ROBO1: variants seen among roughly 807,000 people sequenced by gnomAD.
The protein encoded by ROBO1 is roundabout guidance receptor 1.
A neutral mutation model predicts 195.9 loss-of-function variants in ROBO1; 149 were observed. The ratio of observed to expected loss-of-function variants is 0.76; its 90% CI spans 0.67 to 0.87. The LOEUF is 0.87. ROBO1 is among the 40% of genes least tolerant of loss of function. ROBO1 has a pLI of 0.00. For synonymous variants in ROBO1, 816 were observed against 733.2 expected (o/e 1.11, Z -1.82); for missense variants, 1,933 against 2,068.3 (o/e 0.93, Z 1.27).
chr3:79,462,067 G>A (rs948310803), intron 2 of ROBO1, among the ~76,000 whole-genome samples: 1 of 152,160 alleles, frequency 6.6e-6, no homozygotes, highest in East Asian at 1.9e-4. Context: ...GTATTATTAT[G>A]TGGTAAGTAA....
chr3:79,159,575 G>A (rs1317065717), intron 2 of ROBO1, among the ~76,000 whole-genome samples: 2 of 151,966 alleles, frequency 1.3e-5, no homozygotes, highest in Non-Finnish European at 2.9e-5. Flanking sequence ...ACCATTTGAT[G>A]TTTGGTACTG....
chr3:79,193,975 G>C (rs1444967336), intron 2 of ROBO1, among the ~76,000 whole-genome samples: 1 of 151,626 alleles, frequency 6.6e-6, no homozygotes, highest in African/African-American at 2.4e-5. Context: ...TAAAATGCAA[G>C]TTTTCAATAA....
chr3:78,688,641 G>A lies in ROBO1; in HGVS notation c.1170+7C>T. On this transcript the variant is annotated splice_region_variant and intron_variant, in intron 9 of 30. Coordinates refer to ENST00000464233, the MANE Select transcript of ROBO1 (RefSeq NM_002941.4). ...TTTAAAAAAAAAAAGTTAGAAAAAG[G>A]TGGTACCTGACTCCCTTCTCTCCTC... 6.4e-7 allele frequency: 1 copy of A among 1,573,948 alleles called. No individual in the cohort carries two copies. The highest frequency in any genetic ancestry group is 8.6e-7 in the Non-Finnish European group (1 of 1,163,674).
chr3:79,179,444 A>G (rs1204423342), intron 2 of ROBO1, among the ~76,000 whole-genome samples: 1 of 152,246 alleles, frequency 6.6e-6, no homozygotes, highest in Non-Finnish European at 1.5e-5. Context: ...GGTAAGGATG[A>G]AGTTAGAATA....
chr3:79,624,266 A>T lies in ROBO1; in HGVS notation c.-50-34305T>A, dbSNP rs539153430. ...AAACGGCAAAATATAAAGACCAAAG[A>T]CACTATGAAGAAACGGCATCAACTA... On this transcript the variant is annotated intron_variant, in intron 1 of 30. Transcript: ENST00000464233. Among the ~76,000 whole-genome samples the T allele has an allele frequency of 3.5e-4, 53 of 152,272 alleles. 1 individual carries two copies. The highest frequency in any genetic ancestry group is 1.2e-3 in the African/African-American group (49 of 41,542).
intron 1 of ROBO1, among the ~76,000 whole-genome samples, chr3:79,622,110 G>C (rs1945026708): frequency 6.6e-6 from 1 of 152,136 alleles, no homozygotes; most frequent in African/African-American, 2.4e-5. Flanking sequence ...ACAGAGGGCA[G>C]GGGAGCCACC....
chr3:78,997,061 C>T (rs1256375399), intron 3 of ROBO1, among the ~76,000 whole-genome samples: 1 of 152,076 alleles, frequency 6.6e-6, no homozygotes, highest in Admixed American at 6.6e-5. Flanking sequence ...GGTAGTGAGA[C>T]AGGCCCAGGA....
At chr3:78,834,044 T>G (rs943155038) in intron 4 of ROBO1, among the ~76,000 whole-genome samples, 2 of 151,928 alleles carry the variant, frequency 1.3e-5, no homozygotes, top group Non-Finnish European at 2.9e-5. Flanking sequence ...ATTATGAAAG[T>G]TCAAAATAAA....
chr3:78,743,078 A>G (rs918779012), intron 5 of ROBO1, among the ~76,000 whole-genome samples: 1 of 152,196 alleles, frequency 6.6e-6, no homozygotes, highest in African/African-American at 2.4e-5. Context: ...GCATACACAC[A>G]AAATATAACC....
intron 29 of ROBO1, among the ~76,000 whole-genome samples, chr3:78,604,107 T>G (rs552818607): frequency 6.6e-6 from 1 of 152,234 alleles, no homozygotes; most frequent in East Asian, 1.9e-4. Flanking sequence ...TCTTGCTCTG[T>G]CGCCCAGACC....
chr3:79,256,795 T>C (rs1009310132), intron 2 of ROBO1, among the ~76,000 whole-genome samples: 1 of 152,142 alleles, frequency 6.6e-6, no homozygotes, highest in Admixed American at 6.6e-5. Context: ...CAAAAATAGA[T>C]ATGTCCTATT....
chr3:79,389,266 G>A lies in ROBO1; in HGVS notation c.88+200558C>T, dbSNP rs184291602. The stretch of plus-strand genomic sequence containing the variant: ...ATATAACTATAAAGAAAAAAATTAT[G>A]TAATATGAGCAAAGAATTCTGACTG... On this transcript the variant is annotated intron_variant, in intron 2 of 30. Transcript: ENST00000464233. 2.4e-3 allele frequency among the ~76,000 whole-genome samples: 370 copies of A among 152,104 alleles called. 2 individuals are homozygous for A. The highest frequency in any genetic ancestry group is 7.6e-3 in the African/African-American group (315 of 41,536).
intron 2 of ROBO1, among the ~76,000 whole-genome samples, chr3:79,271,173 T>C (rs2108971608): frequency 6.6e-6 from 1 of 152,130 alleles, no homozygotes; most frequent in East Asian, 1.9e-4. Flanking sequence ...CATGCAATCT[T>C]TACTTCTTCT....
At chr3:78,664,529 A>G (rs963166867) in intron 14 of ROBO1, among the ~76,000 whole-genome samples, 15 of 152,158 alleles carry the variant, frequency 9.9e-5, no homozygotes, top group African/African-American at 3.6e-4. Context: ...TGCATAATCA[A>G]ATCTTGTCTT....
intron 2 of ROBO1, among the ~76,000 whole-genome samples, chr3:79,282,290 T>C (rs1228129057): frequency 6.6e-6 from 1 of 152,164 alleles, no homozygotes; most frequent in Non-Finnish European, 1.5e-5. Context: ...TGAAGAAGTG[T>C]ATGAGCACCA....
intron 3 of ROBO1, among the ~76,000 whole-genome samples, chr3:78,948,321 C>T (rs1303994205): frequency 6.6e-6 from 1 of 152,170 alleles, no homozygotes; most frequent in Admixed American, 6.5e-5. Flanking sequence ...CCACCATGAT[C>T]AAGTGGGCTT....
chr3:79,008,520 T>C (rs1030411730), intron 3 of ROBO1, among the ~76,000 whole-genome samples: 1 of 152,010 alleles, frequency 6.6e-6, no homozygotes, highest in East Asian at 1.9e-4. Flanking sequence ...TGTGTGTGTA[T>C]ACATATATAT....
intron 3 of ROBO1, among the ~76,000 whole-genome samples, chr3:79,073,708 C>T (rs1428827842): frequency 6.6e-6 from 1 of 151,690 alleles, no homozygotes; most frequent in Non-Finnish European, 1.5e-5. Context: ...TCTTAGCATT[C>T]AAAAAGAGAG....
chr3:79,285,322 T>C (rs1228835733), intron 2 of ROBO1, among the ~76,000 whole-genome samples: 1 of 152,184 alleles, frequency 6.6e-6, no homozygotes, highest in Non-Finnish European at 1.5e-5. Context: ...CTCTGCAATG[T>C]TTTCCTTAAC....
Sources: allele counts gnomAD v4.1 joint callset (sites outside exome capture counted in the v4.1 genomes callset), GRCh38; gene constraint gnomAD v4.1.1; transcripts MANE v1.5; gene names NCBI Gene and HGNC (gene_info 2026-07-23, HGNC 2026-07-21).